The following FSTL4 variants were observed in gnomAD, a reference collection of about 807,000 sequenced individuals.
FSTL4 encodes follistatin like 4, also known as follistatin-related protein 4.
In FSTL4, 28 loss-of-function variants were observed where a neutral mutation model predicts 78.2. The ratio of observed to expected loss-of-function variants is 0.36; its 90% CI spans 0.27 to 0.49. The LOEUF (loss-of-function observed/expected upper bound fraction) is 0.49, where lower values mean the gene tolerates loss of function less well. FSTL4 is among the 20% of genes least tolerant of loss of function. The pLI, the probability that FSTL4 is intolerant of heterozygous loss-of-function variation, is 0.98. For synonymous variants in FSTL4, 422 were observed against 440.5 expected (o/e 0.96, Z 0.53); for missense variants, 922 against 1,084.9 (o/e 0.85, Z 2.11).
At chr5:133,397,816 T>A (rs1275044787) in intron 4 of FSTL4, among the ~76,000 whole-genome samples, 1 of 152,242 alleles carries the variant, frequency 6.6e-6, no homozygotes, top group Non-Finnish European at 1.5e-5. Context: ...AAGTCACAAC[T>A]TCTTCTTGTA....
At chr5:133,386,851 T>A (rs1755712124) in intron 4 of FSTL4, among the ~76,000 whole-genome samples, 1 of 152,212 alleles carries the variant, frequency 6.6e-6, no homozygotes, top group Admixed American at 6.5e-5. Context: ...TGTAATGTGC[T>A]CACTGGGGTT....
rs751024432 is a variant in FSTL4, at chr5:133,249,303, G to T, written c.894+107C>A. The T allele has an allele frequency of 4.7e-6, 4 of 857,844 alleles. No homozygotes were observed. In the African/African-American group the frequency reaches 5.0e-5, roughly 11 times the overall value. The allele number at this position is 857,844 out of a possible 1,614,324, so 53.1% of individuals were successfully genotyped here. On this transcript the variant is annotated intron_variant, in intron 7 of 15. Transcript: ENST00000265342. ...CAGGCTAGAAAAGCACCAAACACAG[G>T]ATGTTAAACTAAAACTCTCCCGTCC...
chr5:133,377,049 C>T (rs942684753), intron 4 of FSTL4, among the ~76,000 whole-genome samples: 13 of 152,132 alleles, frequency 8.5e-5, no homozygotes, highest in Admixed American at 8.5e-4. Flanking sequence ...TCTTCCCCAG[C>T]TTCCAGTCAA....
At chr5:133,818,398 A>G in the FSTL4 span, among the ~76,000 whole-genome samples, 34 of 152,136 alleles carry the variant, frequency 2.2e-4, no homozygotes, top group Admixed American at 2.2e-3. Flanking sequence ...AATTTCATCC[A>G]CATCCTAAAC....
the FSTL4 span, among the ~76,000 whole-genome samples, chr5:133,680,849 T>C: frequency 6.6e-6 from 1 of 152,216 alleles, no homozygotes; most frequent in African/African-American, 2.4e-5. Flanking sequence ...ACTTCACGTG[T>C]GTTCATTCTT....
chr5:133,367,224 G>A (rs1349280183), intron 4 of FSTL4, among the ~76,000 whole-genome samples: 1 of 152,176 alleles, frequency 6.6e-6, no homozygotes, highest in Non-Finnish European at 1.5e-5. Flanking sequence ...GCCCTACAGG[G>A]AATAAAGACT....
At chr5:133,727,345 A>G in the FSTL4 span, among the ~76,000 whole-genome samples, 1 of 152,204 alleles carries the variant, frequency 6.6e-6, no homozygotes, top group Non-Finnish European at 1.5e-5. Flanking sequence ...AACTTAAAAA[A>G]AAAAAAGTTA....
chr5:133,292,266 C>T (rs1401912830), intron 6 of FSTL4, among the ~76,000 whole-genome samples: 2 of 152,230 alleles, frequency 1.3e-5, no homozygotes, highest in African/African-American at 4.8e-5. Context: ...CCAACCCTTC[C>T]TCCTGGGGCT....
intron 3 of FSTL4, among the ~76,000 whole-genome samples, chr5:133,537,190 T>C (rs1342509314): frequency 6.6e-6 from 1 of 152,224 alleles, no homozygotes; most frequent in Non-Finnish European, 1.5e-5. Flanking sequence ...CACTCATTCA[T>C]ATACTTTCTA....
At chr5:133,755,572 C>G in the FSTL4 span, among the ~76,000 whole-genome samples, 1 of 152,194 alleles carries the variant, frequency 6.6e-6, no homozygotes, top group Non-Finnish European at 1.5e-5. Context: ...TTTCAGCATA[C>G]CTCAAATCTT....
the FSTL4 span, among the ~76,000 whole-genome samples, chr5:133,765,113 TG>T: frequency 6.6e-6 from 1 of 152,208 alleles, no homozygotes; most frequent in Admixed American, 6.5e-5. Context: ...AAGCTGGCAA[TG>T]AATTCTTCTG....
chr5:133,823,902 A>G, the FSTL4 span, among the ~76,000 whole-genome samples: 1 of 152,162 alleles, frequency 6.6e-6, no homozygotes, highest in Admixed American at 6.5e-5. Context: ...TGTCTTACAT[A>G]TTGAGTTTCC....
the FSTL4 span, among the ~76,000 whole-genome samples, chr5:133,673,698 T>C: frequency 6.6e-6 from 1 of 152,200 alleles, no homozygotes; most frequent in Non-Finnish European, 1.5e-5. Context: ...TAGAGCCTAT[T>C]ATATGCACAG....
At chr5:133,613,231 C>G (rs553094596), upstream of FSTL4, among the ~76,000 whole-genome samples, 21 of 152,188 alleles carry the variant, frequency 1.4e-4, no homozygotes, top group Middle Eastern at 3.2e-3. Context: ...TCTTCCTTCC[C>G]GAATGAACTG....
At chr5:133,542,243 G>C (rs1485169261) in intron 3 of FSTL4, among the ~76,000 whole-genome samples, 6 of 152,142 alleles carry the variant, frequency 3.9e-5, no homozygotes, top group Non-Finnish European at 8.8e-5. Context: ...CTATTGAGAT[G>C]ATTATATGAC....
intron 3 of FSTL4, among the ~76,000 whole-genome samples, chr5:133,515,686 T>A (rs1466251140): frequency 3.4e-5 from 5 of 145,538 alleles, no homozygotes; most frequent in African/African-American, 1.4e-4. Context: ...GCTTTTTTTT[T>A]TTAAAAAAAA....
At chr5:133,519,325 G>A (rs1758927453) in intron 3 of FSTL4, among the ~76,000 whole-genome samples, 1 of 152,242 alleles carries the variant, frequency 6.6e-6, no homozygotes. Context: ...TTGGGCACTA[G>A]AAGTCACACA....
intron 13 of FSTL4, among the ~76,000 whole-genome samples, chr5:133,212,595 C>CAGAA (rs779183769): frequency 6.6e-6 from 1 of 151,758 alleles, no homozygotes; most frequent in South Asian, 2.1e-4. Flanking sequence ...CAAATTGAAG[C>CAGAA]AGAAAGAGAC....
At chr5:133,267,210 C>A (rs940958427) in intron 6 of FSTL4, among the ~76,000 whole-genome samples, 3 of 152,106 alleles carry the variant, frequency 2.0e-5, no homozygotes, top group Admixed American at 2.0e-4. Context: ...GTGCAGGATT[C>A]TGGTAGGGGG....
Sources: allele counts gnomAD v4.1 joint callset (sites outside exome capture counted in the v4.1 genomes callset), GRCh38; gene constraint gnomAD v4.1.1; transcripts MANE v1.5; gene names NCBI Gene and HGNC (gene_info 2026-07-23, HGNC 2026-07-21).